Variants in CADPS2 observed in about 807,000 individuals in gnomAD.
The protein encoded by CADPS2 is calcium dependent secretion activator 2, also known as calcium-dependent secretion activator 2.
CADPS2 carries 93 observed loss-of-function variants against 172.5 expected under a neutral mutation model. The ratio of observed to expected loss-of-function variants is 0.54; its 90% confidence interval spans 0.46 to 0.64. The LOEUF is 0.64. CADPS2 is among the 30% of genes least tolerant of loss of function. The probability of loss-of-function intolerance (pLI) is 0.00; values close to 1 mark genes in which losing one functional copy is unlikely to be tolerated. For synonymous variants in CADPS2, 546 were observed against 555.2 expected (o/e 0.98, Z 0.23); for missense variants, 1,420 against 1,565.9 (o/e 0.91, Z 1.57).
chr7:122,603,670 T>C (rs1404104740), intron 6 of CADPS2, among the ~76,000 whole-genome samples: 1 of 152,120 alleles, frequency 6.6e-6, no homozygotes, highest in Non-Finnish European at 1.5e-5. Flanking sequence ...ACAGCTAATC[T>C]GTGGCAAAGC....
Position 122,525,526 on chromosome 7 carries a change from G to A in CADPS2, c.1476-12211C>T, listed in dbSNP as rs184811060. Among the ~76,000 whole-genome samples, 632 of 152,280 alleles carry A rather than the reference G, an allele frequency of 4.2e-3. 1 individual carries two copies. The highest frequency in any genetic ancestry group is 7.2e-3 in the Non-Finnish European group (489 of 68,030). On this transcript the variant is annotated intron_variant, in intron 8 of 29. Transcript: ENST00000449022. ...AGGAACTGAGCAGTAAGATACGCTT[G>A]CTGTTAATCCAGCTCTGATATCATC...
chr7:122,840,285 G>C (rs977234004), intron 1 of CADPS2, among the ~76,000 whole-genome samples: 14 of 152,050 alleles, frequency 9.2e-5, no homozygotes, highest in South Asian at 2.1e-4. Context: ...GTTGTGGGGT[G>C]GGGGGAGGAG....
intron 1 of CADPS2, among the ~76,000 whole-genome samples, chr7:122,882,545 G>A (rs539807165): frequency 6.6e-6 from 1 of 151,732 alleles, no homozygotes; most frequent in East Asian, 1.9e-4. Context: ...TATGAGTAAA[G>A]GTACTTAATC....
intron 3 of CADPS2, among the ~76,000 whole-genome samples, chr7:122,640,417 T>C (rs766160170): frequency 1.3e-5 from 2 of 151,764 alleles, no homozygotes; most frequent in Non-Finnish European, 2.9e-5. Flanking sequence ...ATAATTATCT[T>C]TCTTTACTGA....
chr7:122,335,208 T>G (rs920907922), intron 28 of CADPS2, among the ~76,000 whole-genome samples: 1 of 152,246 alleles, frequency 6.6e-6, no homozygotes, highest in African/African-American at 2.4e-5. Context: ...GTACTTTTAC[T>G]GCCTCAAAAA....
At chr7:122,745,670 CT>C (rs1056114072) in intron 1 of CADPS2, among the ~76,000 whole-genome samples, 13 of 143,886 alleles carry the variant, frequency 9.0e-5, no homozygotes, top group East Asian at 2.1e-4. Flanking sequence ...AGAATATCCT[CT>C]TTTTTTTTTA....
intron 6 of CADPS2, among the ~76,000 whole-genome samples, chr7:122,589,919 T>C (rs554833407): frequency 1.5e-4 from 23 of 152,030 alleles, no homozygotes; most frequent in African/African-American, 5.3e-4. Flanking sequence ...ATAGTTTACA[T>C]GCAGTAAAAT....
chr7:122,607,486 A>G (rs1199467898), intron 6 of CADPS2, among the ~76,000 whole-genome samples: 1 of 152,172 alleles, frequency 6.6e-6, no homozygotes, highest in Non-Finnish European at 1.5e-5. Context: ...TTTCCGAAAA[A>G]ACTGTCACAG....
intron 2 of CADPS2, among the ~76,000 whole-genome samples, chr7:122,712,390 A>G (rs2088888164): frequency 6.6e-6 from 1 of 152,116 alleles, no homozygotes; most frequent in African/African-American, 2.4e-5. Flanking sequence ...ATCTATTCAA[A>G]ATGTCTACAT....
chr7:122,474,357 G>A, intron 13 of CADPS2, 24 bp downstream of exon 13: 1 of 1,602,580 alleles, frequency 6.2e-7, no homozygotes, highest in African/African-American at 1.3e-5. Context: ...CAACTTATAG[G>A]GGACTAGATA....
At position 122,346,638 on chromosome 7, in the gene CADPS2, A is replaced by G. The variant is rs1232479494; in HGVS notation, c.3505-957T>C. 3.9e-5 allele frequency among the ~76,000 whole-genome samples: 6 copies of G among 152,202 alleles called. No individual in the cohort carries two copies. The East Asian group carries it at 1.2e-3, about 29-fold the overall frequency. ...TTTTAGAAATGTGGCAAGAGTATCA[A>G]TGAACTAGTTTCCTATGTACAGCCG... On this transcript the variant is annotated intron_variant, in intron 27 of 29. Transcript: ENST00000449022.
At chr7:122,518,157 A>G (rs1053427395) in intron 8 of CADPS2, among the ~76,000 whole-genome samples, 1 of 152,032 alleles carries the variant, frequency 6.6e-6, no homozygotes, top group African/African-American at 2.4e-5. Flanking sequence ...GAGTTACTCT[A>G]TATAGAAAGA....
intron 22 of CADPS2, among the ~76,000 whole-genome samples, chr7:122,392,240 A>G (rs1585554448): frequency 6.6e-6 from 1 of 152,240 alleles, no homozygotes; most frequent in East Asian, 1.9e-4. Context: ...TAAAAACTAT[A>G]CCATTATAAA....
intron 10 of CADPS2, among the ~76,000 whole-genome samples, 195 bp from the exon 11 acceptor site, chr7:122,490,476 A>G (rs899995025): frequency 2.6e-5 from 4 of 152,172 alleles, no homozygotes; most frequent in African/African-American, 7.2e-5. Context: ...TTAAGCTCCC[A>G]TATTACCTCA....
chr7:122,850,512 T>C (rs1813279549), intron 1 of CADPS2, among the ~76,000 whole-genome samples: 2 of 152,206 alleles, frequency 1.3e-5, no homozygotes, highest in Non-Finnish European at 2.9e-5. Context: ...GCACATTTTA[T>C]TCTTTTATTG....
At chr7:122,650,409 C>A (rs1053076480) in intron 3 of CADPS2, among the ~76,000 whole-genome samples, 2 of 152,134 alleles carry the variant, frequency 1.3e-5, no homozygotes, top group Non-Finnish European at 2.9e-5. Context: ...AAAACACTTT[C>A]TTTTTAGTAT....
At chr7:122,723,513 A>C (rs1305699967) in intron 2 of CADPS2, among the ~76,000 whole-genome samples, 1 of 152,216 alleles carries the variant, frequency 6.6e-6, no homozygotes, top group African/African-American at 2.4e-5. Context: ...GCAATCATTA[A>C]AAAGTCAGGA....
At chr7:122,343,275 G>A (rs1367923761) in intron 28 of CADPS2, among the ~76,000 whole-genome samples, 1 of 152,092 alleles carries the variant, frequency 6.6e-6, no homozygotes, top group Admixed American at 6.6e-5. Context: ...TTCTACCGGG[G>A]ATATTCAAAA....
intron 17 of CADPS2, among the ~76,000 whole-genome samples, chr7:122,434,973 A>T (rs2050440926): frequency 6.6e-6 from 1 of 151,010 alleles, no homozygotes; most frequent in Admixed American, 6.7e-5. Context: ...AACATAATGC[A>T]TACCATTCAT....
Sources: allele counts gnomAD v4.1 joint callset (sites outside exome capture counted in the v4.1 genomes callset), GRCh38; gene constraint gnomAD v4.1.1; transcripts MANE v1.5; gene names NCBI Gene and HGNC (gene_info 2026-07-23, HGNC 2026-07-21).